The following WDR37 variants were observed in gnomAD, a reference collection of about 807,000 sequenced individuals.
WDR37 encodes the protein WD repeat domain 37.
A neutral mutation model predicts 62.9 loss-of-function variants in WDR37; 19 were observed. That is an observed-to-expected ratio of 0.30 (90% CI 0.21 to 0.44). The LOEUF (loss-of-function observed/expected upper bound fraction) is 0.44. Among genes scored for constraint, WDR37 ranks in the 20% least tolerant of loss-of-function variants. WDR37 has a pLI of 1.00. For missense variants in WDR37, 474 were observed against 657.6 expected (o/e 0.72, Z 3.05); for synonymous variants, 250 against 260.9 (o/e 0.96, Z 0.40).
At chr10:1,069,389 A>ATATATATATATATTTTTTTTTTT in intron 1 of WDR37, among the ~76,000 whole-genome samples, 18 of 95,756 alleles carry the variant, frequency 1.9e-4, no homozygotes, top group African/African-American at 6.6e-4. Flanking sequence ...ATATATATAT[A>ATATATATATATATTTTTTTTTTT]TTTTTTTTTT....
At chr10:1,074,704 C>T (rs945994400) in intron 2 of WDR37, among the ~76,000 whole-genome samples, 17 of 152,126 alleles carry the variant, frequency 1.1e-4, no homozygotes, top group Admixed American at 6.5e-5. Flanking sequence ...GGAGTGGGCT[C>T]GTTCTAGACA....
intron 5 of WDR37, among the ~76,000 whole-genome samples, chr10:1,081,204 T>C (rs569588229): frequency 6.7e-6 from 1 of 148,998 alleles, no homozygotes; most frequent in South Asian, 2.1e-4. Context: ...AATAGGGATG[T>C]TCATGGTTTT....
intron 5 of WDR37, among the ~76,000 whole-genome samples, chr10:1,083,884 T>C (rs546624966): frequency 6.6e-6 from 1 of 152,158 alleles, no homozygotes; most frequent in Admixed American, 6.5e-5. Flanking sequence ...GTCTTTTGAT[T>C]CCTCCCCACC....
chr10:1,079,692 G>A (rs371405789), intron 3 of WDR37, among the ~76,000 whole-genome samples: 1 of 151,810 alleles, frequency 6.6e-6, no homozygotes, highest in Non-Finnish European at 1.5e-5. Context: ...GCACCACCAC[G>A]CCCGGCTATT....
At chr10:1,128,106 G>A (rs1251075025) in intron 13 of WDR37, among the ~76,000 whole-genome samples, 1 of 152,154 alleles carries the variant, frequency 6.6e-6, no homozygotes, top group African/African-American at 2.4e-5. Context: ...CTGGCCTTTT[G>A]TGGATGTCTT....
At position 1,068,239 on chromosome 10, in the gene WDR37, T is replaced by C. The variant is rs191646151; in HGVS notation, c.-40-3877T>C. ...GCTGACGCCTGTAATCCCAGCACTTTGGGAGGCTGAGGCGGGTGGATCATG... is the reference window on the plus strand; with the variant it reads ...GCTGACGCCTGTAATCCCAGCACTTCGGGAGGCTGAGGCGGGTGGATCATG... On this transcript the variant is annotated intron_variant, in intron 1 of 13. Transcript: ENST00000263150. Among the ~76,000 whole-genome samples the C allele has an allele frequency of 5.7e-3, 872 of 151,904 alleles. 11 individuals are homozygous for C. The highest frequency in any genetic ancestry group is 0.02 in the African/African-American group (826 of 41,388).
chr10:1,110,865 T>C (rs1379523433), intron 11 of WDR37, among the ~76,000 whole-genome samples: 3 of 152,166 alleles, frequency 2.0e-5, no homozygotes, highest in Non-Finnish European at 4.4e-5. Context: ...CCCTGATAGG[T>C]GGGAATGTTG....
intron 9 of WDR37, among the ~76,000 whole-genome samples, chr10:1,102,459 C>A (rs1018858830): frequency 6.6e-6 from 1 of 152,206 alleles, no homozygotes; most frequent in Non-Finnish European, 1.5e-5. Flanking sequence ...ATTCTGCAGG[C>A]TGTACAGGAA....
intron 5 of WDR37, among the ~76,000 whole-genome samples, chr10:1,083,940 C>T (rs763585716): frequency 1.3e-5 from 2 of 152,208 alleles, no homozygotes; most frequent in Non-Finnish European, 2.9e-5. Context: ...TGTAAATTCT[C>T]AAAAACAGCA....
At chr10:1,080,741 A>C (rs1255487531) in intron 5 of WDR37, among the ~76,000 whole-genome samples, 2 of 152,070 alleles carry the variant, frequency 1.3e-5, no homozygotes, top group Non-Finnish European at 2.9e-5. Flanking sequence ...CCCTGTCTCT[A>C]CTAAAAATAC....
intron 1 of WDR37, among the ~76,000 whole-genome samples, chr10:1,061,164 AT>A (rs1833360680): frequency 6.6e-6 from 1 of 152,202 alleles, no homozygotes; most frequent in South Asian, 2.1e-4. Context: ...CCTTACAGCA[AT>A]TCTTTGTAGT....
At chr10:1,109,356 C>T (rs1021825487) in intron 11 of WDR37, among the ~76,000 whole-genome samples, 8 of 152,204 alleles carry the variant, frequency 5.3e-5, no homozygotes, top group South Asian at 2.1e-4. Flanking sequence ...TGCATGTTTT[C>T]GCTTCTAAGG....
At position 1,106,689 on chromosome 10, in the gene WDR37, G is replaced by T. The variant is rs1182125605; in HGVS notation, c.1103+1422G>T. Among the ~76,000 whole-genome samples, 4 of 152,124 alleles carry T rather than the reference G, an allele frequency of 2.6e-5. No individual in the cohort carries two copies. In the East Asian group the frequency reaches 7.7e-4, roughly 29 times the overall value. On this transcript the variant is annotated intron_variant, in intron 11 of 13. Coordinates refer to ENST00000263150, the MANE Select transcript of WDR37 (RefSeq NM_014023.4). The stretch of plus-strand genomic sequence containing the variant: ...CCACCACCATGCCTGGTTAATTTTT[G>T]TATTTTTAGTAGAGGTGGGGTTTCA...
Position 1,086,315 on chromosome 10 carries a change from A to G in WDR37, c.562A>G (p.Thr188Ala). The G allele has an allele frequency of 6.2e-7, 1 of 1,614,168 alleles. No individual in the cohort carries two copies. Among genetic ancestry groups the G allele is most frequent in the Non-Finnish European group, 8.5e-7 (1 of 1,180,006 alleles). ...CACGGCTTTGCTGTGGAGCATAGAGACAGGGAAGTGCCTAGTCAAGTACGC... is the reference window on the plus strand; with the variant it reads ...CACGGCTTTGCTGTGGAGCATAGAGGCAGGGAAGTGCCTAGTCAAGTACGC... ...DHTALLWSIE[T>A]GKCLVKYAGH... The change falls in exon 7 of 14, where the codon ACA (threonine) becomes GCA (alanine). Residue 188 changes from threonine to alanine, a missense_variant. Transcript: ENST00000263150.
intron 11 of WDR37, among the ~76,000 whole-genome samples, chr10:1,108,982 T>C (rs1835122303): frequency 6.6e-6 from 1 of 152,222 alleles, no homozygotes; most frequent in African/African-American, 2.4e-5. Context: ...TGCCCTGCTG[T>C]GCCTGTCCCC....
At chr10:1,100,170 T>C (rs1834744392) in intron 9 of WDR37, among the ~76,000 whole-genome samples, 1 of 152,248 alleles carries the variant, frequency 6.6e-6, no homozygotes, top group Non-Finnish European at 1.5e-5. Flanking sequence ...TTGCTTGTGT[T>C]GGGTGAGTGC....
At chr10:1,126,029 C>A (rs185235832) in intron 13 of WDR37, among the ~76,000 whole-genome samples, 1 of 152,154 alleles carries the variant, frequency 6.6e-6, no homozygotes, top group Admixed American at 6.5e-5. Flanking sequence ...GCTCTGCAGC[C>A]GGGCCTCACT....
intron 1 of WDR37, among the ~76,000 whole-genome samples, chr10:1,059,633 C>T (rs765087444): frequency 6.6e-6 from 1 of 151,708 alleles, no homozygotes; most frequent in Non-Finnish European, 1.5e-5. Context: ...CCCGTATCTA[C>T]TGAAAATACA....
chr10:1,094,811 C>G (rs562588491), intron 8 of WDR37, among the ~76,000 whole-genome samples: 1 of 151,234 alleles, frequency 6.6e-6, no homozygotes, highest in Non-Finnish European at 1.5e-5. Context: ...GACTTGGAAA[C>G]GTGAGGTAAT....
Sources: gnomAD v4.1 joint callset for allele counts (sites outside exome capture counted in the v4.1 genomes callset) on GRCh38, gnomAD v4.1.1 for gene constraint, MANE v1.5 for transcripts, NCBI Gene and HGNC (gene_info 2026-07-23, HGNC 2026-07-21) for gene names.